FGFRL1: variants seen among roughly 807,000 people sequenced by gnomAD.
The protein encoded by FGFRL1 is fibroblast growth factor receptor like 1, also known as fibroblast growth factor receptor-like 1.
Under a neutral mutation model 36.8 loss-of-function variants are expected in FGFRL1, and 24 were observed. The ratio of observed to expected loss-of-function variants is 0.65; its 90% CI spans 0.47 to 0.92. The LOEUF is 0.92. FGFRL1 is among the 40% of genes least tolerant of loss of function. FGFRL1 has a pLI of 0.00. For missense variants in FGFRL1, 785 were observed against 753.4 expected, an observed-to-expected ratio of 1.04 and a Z score of -0.49; for synonymous variants, 422 against 344.1, an observed-to-expected ratio of 1.23 and a Z score of -2.50.
chr4:1,010,619 C>T (rs1298356700), upstream of FGFRL1, among the ~76,000 whole-genome samples: 1 of 152,134 alleles, frequency 6.6e-6, no homozygotes, highest in Non-Finnish European at 1.5e-5. Flanking sequence ...GATGGTGACT[C>T]CGCGGAGTCG....
rs1410341137 is a variant in FGFRL1 at position 1,025,373 on chromosome 4, G to A, written c.*26G>A. The A allele has an allele frequency of 1.1e-5, 17 of 1,517,064 alleles. No homozygotes were observed. Among genetic ancestry groups the A allele is most frequent in the African/African-American group, 5.5e-5 (4 of 72,424 alleles). The allele number at this position is 1,517,064 out of a possible 1,614,324, so 94.0% of individuals were successfully genotyped here. A position where few individuals can be genotyped will look rare whatever the true frequency, so the allele number is the denominator to read the frequency against. ...ACGGCACCGTATCTGCAGTGGGCAC[G>A]GGGGGGCCGGCCAGACAGGCAGACT... is the stretch of plus-strand genomic sequence containing the variant. On this transcript the variant is annotated 3_prime_UTR_variant, in exon 7 of 7. Transcript: ENST00000510644.
chr4:1,023,795 T>G lies in FGFRL1; in HGVS notation c.434-22T>G. The stretch of plus-strand genomic sequence containing the variant: ...TTGGCTGCATCCCCGTCCTCTGACC[T>G]CCACGCCACCCCACCCCGCAGCACG... On this transcript the variant is annotated intron_variant, in intron 4 of 6. Transcript: ENST00000510644. The surrounding 1 kb of genome is among the most constrained non-coding windows in gnomAD (Gnocchi z 6.0). 6.4e-7 allele frequency: 1 copy of G among 1,568,016 alleles called. No homozygotes were observed. The highest frequency in any genetic ancestry group is 8.6e-7 in the Non-Finnish European group (1 of 1,156,236).
Position 1,025,734 on chromosome 4 carries a change from C to A in FGFRL1, c.*387C>A. The A allele has an allele frequency of 3.2e-6, 1 of 312,968 alleles. No homozygotes were observed. The allele number at this position is 312,968 out of a possible 1,614,324, so 19.4% of individuals were successfully genotyped here. A position where few individuals can be genotyped will look rare whatever the true frequency, so the allele number is the denominator to read the frequency against. Reference sequence around the variant, plus strand: ...TGCGCAGATGTGCTGCCTGGACACACACACACACACGGATATGCTGTCTGG... The same window carrying A: ...TGCGCAGATGTGCTGCCTGGACACAAACACACACACGGATATGCTGTCTGG... On this transcript the variant is annotated 3_prime_UTR_variant, in exon 7 of 7. Transcript: ENST00000510644.
chr4:1,018,391 G>A (rs1054596715), intron 2 of FGFRL1, among the ~76,000 whole-genome samples: 5 of 152,168 alleles, frequency 3.3e-5, no homozygotes, highest in Non-Finnish European at 7.4e-5. Context: ...GGAGGCATCC[G>A]CCTTCTTGGC....
intron 2 of FGFRL1, among the ~76,000 whole-genome samples, chr4:1,014,930 A>G (rs1013564380): frequency 6.6e-6 from 1 of 152,210 alleles, no homozygotes; most frequent in Non-Finnish European, 1.5e-5. Flanking sequence ...CGCCGACCGC[A>G]GACTCCTTTA....
Position 1,025,598 on chromosome 4 carries a change from C to T in FGFRL1, c.*251C>T. The T allele has an allele frequency of 5.2e-6, 3 of 572,582 alleles. No individual in the cohort carries two copies. Among genetic ancestry groups the T allele is most frequent in the South Asian group, 2.2e-5 (1 of 45,712 alleles). The allele number at this position is 572,582 out of a possible 1,614,324, so 35.5% of individuals were successfully genotyped here. A position where few individuals can be genotyped will look rare whatever the true frequency, so the allele number is the denominator to read the frequency against. On this transcript the variant is annotated 3_prime_UTR_variant, in exon 7 of 7. Coordinates refer to ENST00000510644, the MANE Select transcript of FGFRL1 (RefSeq NM_001004356.3). The stretch of plus-strand genomic sequence containing the variant: ...GCACACGTACGCACACACGCACATG[C>T]ACAGATATGCCGCCTGGGCACACAG...
rs56335195 is a variant in FGFRL1, at chr4:1,014,108, C to T, written c.79+1544C>T. ...CTCTGAACAGCCCACTGTGCACCTTCGTTAGGCCAAGGACCAGCATGCAGA... is the reference window on the plus strand; with the variant it reads ...CTCTGAACAGCCCACTGTGCACCTTTGTTAGGCCAAGGACCAGCATGCAGA... On this transcript the variant is annotated intron_variant, in intron 2 of 6. Coordinates refer to ENST00000510644, the MANE Select transcript of FGFRL1 (RefSeq NM_001004356.3). 4.4e-3 allele frequency among the ~76,000 whole-genome samples: 665 copies of T among 152,334 alleles called. 6 individuals carry two copies. The highest frequency in any genetic ancestry group is 0.015 in the African/African-American group (630 of 41,566).
intron 2 of FGFRL1, among the ~76,000 whole-genome samples, chr4:1,018,959 G>A (rs2153026154): frequency 6.6e-6 from 1 of 152,306 alleles, no homozygotes; most frequent in East Asian, 1.9e-4. Flanking sequence ...TGGCTCCTCT[G>A]GCCCAGCTGC....
chr4:1,011,729 C>T lies in FGFRL1; in HGVS notation c.-242C>T, dbSNP rs940293579. 1 of 143,340 alleles carries T rather than the reference C, an allele frequency of 7.0e-6. No homozygotes were observed. Among genetic ancestry groups the T allele is most frequent in the African/African-American group, 2.5e-5 (1 of 39,726 alleles). The allele number at this position is 143,340 out of a possible 1,614,324, so 8.9% of individuals were successfully genotyped here. A position where few individuals can be genotyped will look rare whatever the true frequency, so the allele number is the denominator to read the frequency against. On this transcript the variant is annotated 5_prime_UTR_variant, in exon 1 of 7. Coordinates refer to ENST00000510644, the MANE Select transcript of FGFRL1 (RefSeq NM_001004356.3). ...CGGCCCCGGCCCCCGGCCCCGCGGA[C>T]TCGCCCCCGCCGCCTGCCCGGTCCG... is the stretch of plus-strand genomic sequence containing the variant.
intron 1 of FGFRL1, 29 bp from the exon 2 acceptor site, chr4:1,012,441 G>A: frequency 6.4e-7 from 1 of 1,573,754 alleles, no homozygotes; most frequent in Non-Finnish European, 8.6e-7. Flanking sequence ...AGTTCCACGT[G>A]TTAGTGACGG....
intron 2 of FGFRL1, among the ~76,000 whole-genome samples, chr4:1,015,810 G>A (rs540823496): frequency 5.3e-5 from 8 of 152,326 alleles, no homozygotes; most frequent in African/African-American, 1.4e-4. Flanking sequence ...CCCGTGGAGA[G>A]CTTGGGTTCC....
intron 2 of FGFRL1, among the ~76,000 whole-genome samples, chr4:1,019,131 G>A (rs1490473446): frequency 6.6e-6 from 1 of 152,220 alleles, no homozygotes; most frequent in Non-Finnish European, 1.5e-5. Flanking sequence ...TGCCTTTGGG[G>A]ACCCTTACCT....
chr4:1,020,524 G>C (rs901108249), intron 2 of FGFRL1, among the ~76,000 whole-genome samples: 1 of 151,182 alleles, frequency 6.6e-6, no homozygotes, highest in African/African-American at 2.4e-5. Context: ...TCATCTTCCT[G>C]GCCGGCTTGG....
At chr4:1,012,639 G>T in intron 2 of FGFRL1, 75 bp downstream of exon 2, 2 of 603,356 alleles carry the variant, frequency 3.3e-6, no homozygotes, top group South Asian at 6.2e-5. Context: ...CCTGAACCCT[G>T]CCACAGTGCC....
In FGFRL1 at chr4:1,023,954, T is replaced by C. The variant is rs919414912; in HGVS notation, c.571T>C (p.Leu191=). Residue 191 remains leucine (L), a synonymous_variant, in exon 5 of 7, where the codon TTG becomes CTG. Coordinates refer to ENST00000510644, the MANE Select transcript of FGFRL1 (RefSeq NM_001004356.3). This position sits in a 1 kb window ranked among gnomAD's most constrained non-coding sequence, Gnocchi z 6.0. ...CACGTGGATGAAGGACGACCAGGCCTTGACGCGCCCAGAGGCCGCTGAGCC... is the reference window on the plus strand; with the variant it reads ...CACGTGGATGAAGGACGACCAGGCCCTGACGCGCCCAGAGGCCGCTGAGCC... The part of the protein sequence containing the change: ...DITWMKDDQA[L]TRPEAAEPRK... 1.9e-6 allele frequency: 3 copies of C among 1,593,450 alleles called. No individual in the cohort carries two copies. Among genetic ancestry groups the C allele is most frequent in the Non-Finnish European group, 2.6e-6 (3 of 1,173,000 alleles).
intron 2 of FGFRL1, among the ~76,000 whole-genome samples, chr4:1,013,167 C>T (rs1577554925): frequency 6.6e-6 from 1 of 152,224 alleles, no homozygotes; most frequent in Non-Finnish European, 1.5e-5. Context: ...TCTGGGCACA[C>T]GCTGTGCTGG....
intron 1 of FGFRL1, 21 bp from the exon 2 acceptor site, chr4:1,012,449 C>T (rs1252966272): frequency 7.6e-6 from 12 of 1,574,800 alleles, no homozygotes; most frequent in Admixed American, 3.5e-5. Flanking sequence ...GTGTTAGTGA[C>T]GGCGCCCCCA....
chr4:1,018,362 G>C lies in FGFRL1; in HGVS notation c.80-3841G>C, dbSNP rs554904800. ...TTTTTTACAGCTGGGCAGGGGTGGG[G>C]GGGGCGGCGGGAGGATTTGGAGGCA... is the stretch of plus-strand genomic sequence containing the variant. On this transcript the variant is annotated intron_variant, in intron 2 of 6. Transcript: ENST00000510644. Among the ~76,000 whole-genome samples the C allele has an allele frequency of 2.6e-3, 394 of 152,270 alleles. 2 individuals carry two copies. Among genetic ancestry groups the C allele is most frequent in the African/African-American group, 8.6e-3 (356 of 41,550 alleles).
chr4:1,022,329 C>G lies in FGFRL1; in HGVS notation c.206C>G (p.Thr69Ser). 6 of 1,603,132 alleles carry G rather than the reference C, an allele frequency of 3.7e-6. No individual in the cohort carries two copies. Among genetic ancestry groups the G allele is most frequent in the Non-Finnish European group, 5.1e-6 (6 of 1,175,780 alleles). The change falls in exon 3 of 7, where the codon ACC becomes AGC. Residue 69 changes from threonine to serine, a missense_variant. By Grantham distance (58) the Thr-to-Ser change is moderately conservative (BLOSUM62 1). Coordinates refer to ENST00000510644, the MANE Select transcript of FGFRL1 (RefSeq NM_001004356.3). Reference protein sequence around the residue: ...PLTMWTKDGRTIHSGWSRFRV... With the variant: ...PLTMWTKDGRSIHSGWSRFRV... ...ACCATGTGGACCAAGGATGGCCGCACCATCCACAGCGGCTGGAGCCGCTTC... is the reference window on the plus strand; with the variant it reads ...ACCATGTGGACCAAGGATGGCCGCAGCATCCACAGCGGCTGGAGCCGCTTC...
Sources: gnomAD v4.1 joint callset for allele counts (sites outside exome capture counted in the v4.1 genomes callset) on GRCh38, gnomAD v4.1.1 for gene constraint, Gnocchi (gnomAD v3.1) non-coding constraint, MANE v1.5 for transcripts, NCBI Gene and HGNC (gene_info 2026-07-23, HGNC 2026-07-21) for gene names.